The following CNTNAP2 variants were observed in gnomAD, a reference collection of about 807,000 sequenced individuals.
CNTNAP2 encodes contactin-associated protein-like 2.
CNTNAP2 carries 98 observed loss-of-function variants against 155.2 expected under a neutral mutation model. That is an observed-to-expected ratio of 0.63 (90% CI 0.54 to 0.75). CNTNAP2 has a LOEUF of 0.75. Among genes scored for constraint, CNTNAP2 ranks in the 30% least tolerant of loss-of-function variants. CNTNAP2 has a pLI of 0.00. For missense variants in CNTNAP2, 1,727 were observed against 1,688.1 expected (o/e 1.02, Z -0.40); for synonymous variants, 651 against 631.2 (o/e 1.03, Z -0.47).
intron 9 of CNTNAP2, among the ~76,000 whole-genome samples, chr7:147,367,710 G>A (rs1051283271): frequency 2.6e-5 from 4 of 152,128 alleles, no homozygotes; most frequent in African/African-American, 9.7e-5. Flanking sequence ...TCTCAGGACT[G>A]TGCCAGTTAT....
At chr7:148,232,155 T>A (rs1439107206) in intron 20 of CNTNAP2, among the ~76,000 whole-genome samples, 1 of 152,214 alleles carries the variant, frequency 6.6e-6, no homozygotes, top group Non-Finnish European at 1.5e-5. Context: ...CCCTGGGACC[T>A]GCCCACCACT....
At chr7:147,546,469 CAATCTTCTGGAA>C (rs1301095674) in intron 11 of CNTNAP2, among the ~76,000 whole-genome samples, 1 of 152,068 alleles carries the variant, frequency 6.6e-6, no homozygotes, top group Non-Finnish European at 1.5e-5. Flanking sequence ...GAGTATAGAA[CAATCTTCTGGAA>C]AAGTGAACAT....
At chr7:146,495,193 T>A (rs1797195985) in intron 1 of CNTNAP2, among the ~76,000 whole-genome samples, 1 of 152,242 alleles carries the variant, frequency 6.6e-6, no homozygotes, top group African/African-American at 2.4e-5. Flanking sequence ...TGGCATTTTC[T>A]TATGTTTGAC....
chr7:147,181,952 C>A (rs530005099), intron 8 of CNTNAP2, among the ~76,000 whole-genome samples: 1 of 151,888 alleles, frequency 6.6e-6, no homozygotes, highest in East Asian at 1.9e-4. Context: ...TGGTGAAACC[C>A]CGTCCATACT....
intron 1 of CNTNAP2, among the ~76,000 whole-genome samples, chr7:146,764,163 A>G (rs560535375): frequency 6.6e-5 from 10 of 152,190 alleles, no homozygotes; most frequent in Non-Finnish European, 1.0e-4. Flanking sequence ...AAGATTGTCA[A>G]TCAAAGCTTT....
intron 9 of CNTNAP2, among the ~76,000 whole-genome samples, chr7:147,304,602 A>T (rs548683487): frequency 6.6e-6 from 1 of 152,242 alleles, no homozygotes; most frequent in South Asian, 2.1e-4. Flanking sequence ...GTTCTAAAGA[A>T]CTCAATGGGG....
chr7:147,282,255 A>G (rs903822957), intron 8 of CNTNAP2, among the ~76,000 whole-genome samples: 17 of 151,936 alleles, frequency 1.1e-4, no homozygotes, highest in Admixed American at 1.1e-3. Context: ...TGTGTAATCC[A>G]TATAAATCAG....
intron 4 of CNTNAP2, among the ~76,000 whole-genome samples, chr7:147,052,995 T>C (rs1799499094): frequency 1.3e-5 from 2 of 152,122 alleles, no homozygotes; most frequent in Admixed American, 6.5e-5. Flanking sequence ...TGCTTTTAAG[T>C]ATAGTTTGGG....
intron 1 of CNTNAP2, among the ~76,000 whole-genome samples, chr7:146,416,477 G>A (rs1795940210): frequency 6.6e-6 from 1 of 152,086 alleles, no homozygotes; most frequent in South Asian, 2.1e-4. Context: ...TTATAACCAG[G>A]AGCTCCCAGG....
At chr7:147,378,611 A>G (rs1796481680) in intron 9 of CNTNAP2, among the ~76,000 whole-genome samples, 6 of 152,070 alleles carry the variant, frequency 3.9e-5, no homozygotes, top group Admixed American at 3.9e-4. Context: ...TGGGAAGGAT[A>G]GTGGGTAAGG....
intron 1 of CNTNAP2, among the ~76,000 whole-genome samples, chr7:146,466,903 A>C (rs543426322): frequency 2.0e-5 from 3 of 152,296 alleles, no homozygotes; most frequent in African/African-American, 7.2e-5. Context: ...TGTTTTGATG[A>C]TTATGTGCAT....
chr7:147,751,015 G>A (rs921631420), intron 13 of CNTNAP2, among the ~76,000 whole-genome samples: 1 of 151,916 alleles, frequency 6.6e-6, no homozygotes, highest in African/African-American at 2.4e-5. Flanking sequence ...ACTCCAGCCC[G>A]GGGGACACAG....
At chr7:147,361,010 A>C (rs930843710) in intron 9 of CNTNAP2, among the ~76,000 whole-genome samples, 1 of 152,242 alleles carries the variant, frequency 6.6e-6, no homozygotes, top group African/African-American at 2.4e-5. Context: ...ATACCAATGA[A>C]GGGTGTAAGA....
intron 1 of CNTNAP2, among the ~76,000 whole-genome samples, chr7:146,712,491 GTT>G (rs531813459): frequency 7.0e-6 from 1 of 142,016 alleles, no homozygotes; most frequent in African/African-American, 2.6e-5. Context: ...AGAATAGAAA[GTT>G]TTTTTTTTTC....
intron 8 of CNTNAP2, among the ~76,000 whole-genome samples, chr7:147,156,550 A>G (rs1418537836): frequency 6.6e-6 from 1 of 152,172 alleles, no homozygotes; most frequent in East Asian, 1.9e-4. Context: ...TAAACCCTGC[A>G]TATGCACACT....
chr7:147,783,919 C>A (rs1322642636), intron 13 of CNTNAP2, among the ~76,000 whole-genome samples: 2 of 152,258 alleles, frequency 1.3e-5, no homozygotes, highest in South Asian at 4.1e-4. Context: ...AGTTTGCAAG[C>A]CACCCAGTTT....
At chr7:147,950,364 C>CAAAAAAAAAAAAAAAAAAAAAA (rs386411606) in intron 14 of CNTNAP2, among the ~76,000 whole-genome samples, 2 of 55,782 alleles carry the variant, frequency 3.6e-5, no homozygotes, top group East Asian at 9.6e-4. Context: ...CATAGAGAGG[C>CAAAAAAAAAAAAAAAAAAAAAA]AAAAAAAAAA....
chr7:147,181,181 A>G (rs910338972), intron 8 of CNTNAP2, among the ~76,000 whole-genome samples: 1 of 152,100 alleles, frequency 6.6e-6, no homozygotes. Context: ...AAGCAAAGTA[A>G]AATAGTTTGA....
chr7:146,674,900 C>T (rs971129959), intron 1 of CNTNAP2, among the ~76,000 whole-genome samples: 5 of 152,164 alleles, frequency 3.3e-5, no homozygotes, highest in Non-Finnish European at 5.9e-5. Context: ...GAAAGTAGGA[C>T]ACCTTTACAG....
Sources: gnomAD v4.1 joint callset for allele counts (sites outside exome capture counted in the v4.1 genomes callset) on GRCh38, gnomAD v4.1.1 for gene constraint, MANE v1.5 for transcripts, NCBI Gene and HGNC (gene_info 2026-07-23, HGNC 2026-07-21) for gene names.